The following RBMS3 variants were observed in gnomAD, a reference collection of about 807,000 sequenced individuals.
RBMS3 encodes RNA binding motif single stranded interacting protein 3, also known as RNA-binding motif, single-stranded-interacting protein 3.
In RBMS3, 27 loss-of-function variants were observed where a neutral mutation model predicts 66.8. The ratio of observed to expected loss-of-function variants is 0.40; its 90% CI spans 0.30 to 0.56. RBMS3 has a LOEUF of 0.56. Among genes scored for constraint, RBMS3 ranks in the 20% least tolerant of loss-of-function variants. RBMS3 has a pLI of 0.40. For missense variants in RBMS3, 513 were observed against 549.5 expected (o/e 0.93, Z 0.66); for synonymous variants, 188 against 183.0 (o/e 1.03, Z -0.22).
At chr3:29,538,198 T>C (rs1426991766) in intron 3 of RBMS3, among the ~76,000 whole-genome samples, 1 of 152,182 alleles carries the variant, frequency 6.6e-6, no homozygotes, top group Non-Finnish European at 1.5e-5. Context: ...AGGTAGAAGA[T>C]AATCAAATAC....
chr3:29,684,148 A>C (rs2051614042), intron 4 of RBMS3, among the ~76,000 whole-genome samples: 1 of 152,218 alleles, frequency 6.6e-6, no homozygotes, highest in Non-Finnish European at 1.5e-5. Context: ...CATTCAGGAG[A>C]TATAATTAAT....
At position 29,364,227 on chromosome 3, in the gene RBMS3, ATATGT is replaced by A. The variant is rs531267133; in HGVS notation, c.76-70512_76-70508del. Among the ~76,000 whole-genome samples the A allele has an allele frequency of 3.1e-3, 469 of 152,326 alleles. 2 individuals carry two copies. The highest frequency in any genetic ancestry group is 0.01 in the African/African-American group (420 of 41,570). On this transcript the variant is annotated intron_variant, in intron 1 of 14. Coordinates refer to ENST00000383767, the MANE Select transcript of RBMS3 (RefSeq NM_001003793.3). The stretch of plus-strand genomic sequence containing the variant: ...TCTGCAAAACAATGCATATAGAGTG[ATATGT>A]TATATAAAAATTGATTTGTGAGTAT...
chr3:29,344,368 C>A (rs2036452165), intron 1 of RBMS3, among the ~76,000 whole-genome samples: 1 of 152,178 alleles, frequency 6.6e-6, no homozygotes, highest in Non-Finnish European at 1.5e-5. Flanking sequence ...CAATGGCTTA[C>A]TTCCTGAAAA....
intron 4 of RBMS3, among the ~76,000 whole-genome samples, chr3:29,619,341 A>C (rs1409196310): frequency 1.3e-5 from 2 of 152,036 alleles, no homozygotes; most frequent in African/African-American, 2.4e-5. Context: ...ACAAAGAAAA[A>C]CTCCTTTAAA....
At chr3:29,872,918 C>T (rs193163386) in intron 7 of RBMS3, among the ~76,000 whole-genome samples, 18 of 152,238 alleles carry the variant, frequency 1.2e-4, no homozygotes, top group Non-Finnish European at 2.2e-4. Context: ...AACCTTGTTT[C>T]TGGGCTCTCT....
chr3:29,936,372 AT>A (rs1331753207), intron 11 of RBMS3, among the ~76,000 whole-genome samples, 176 bp downstream of exon 11: 3 of 152,148 alleles, frequency 2.0e-5, no homozygotes, highest in Non-Finnish European at 2.9e-5. Context: ...TCCAGGGCAC[AT>A]GTACTCACAG....
intron 1 of RBMS3, among the ~76,000 whole-genome samples, chr3:29,417,451 G>A (rs1403961773): frequency 3.3e-5 from 5 of 151,784 alleles, no homozygotes; most frequent in African/African-American, 1.2e-4. Flanking sequence ...GGTGTTCTCC[G>A]TTTTTACCTT....
At chr3:29,889,345 G>C (rs2059947020) in intron 8 of RBMS3, among the ~76,000 whole-genome samples, 1 of 151,600 alleles carries the variant, frequency 6.6e-6, no homozygotes, top group Non-Finnish European at 1.5e-5. Context: ...TTCATTTCAA[G>C]AACATCATTA....
chr3:29,647,274 C>T (rs943150222), intron 4 of RBMS3, among the ~76,000 whole-genome samples: 9 of 152,150 alleles, frequency 5.9e-5, no homozygotes, highest in East Asian at 1.9e-4. Context: ...CCACCGTGCA[C>T]GGCCTCTTTT....
intron 6 of RBMS3, among the ~76,000 whole-genome samples, chr3:29,814,578 C>G (rs963244667): frequency 2.4e-4 from 37 of 152,250 alleles, no homozygotes; most frequent in Middle Eastern, 3.4e-3. Context: ...CCTTGTACCT[C>G]TGGTAGAATT....
At chr3:29,659,840 T>C (rs963680290) in intron 4 of RBMS3, among the ~76,000 whole-genome samples, 1 of 152,172 alleles carries the variant, frequency 6.6e-6, no homozygotes, top group East Asian at 1.9e-4. Context: ...ACACTTTACA[T>C]TCTCACCAAC....
At chr3:29,821,602 A>G (rs1273528628) in intron 6 of RBMS3, among the ~76,000 whole-genome samples, 1 of 152,218 alleles carries the variant, frequency 6.6e-6, no homozygotes, top group East Asian at 1.9e-4. Context: ...ACTACCTGTG[A>G]GGAACTACAA....
At chr3:29,534,948 GA>G (rs71628527) in intron 3 of RBMS3, among the ~76,000 whole-genome samples, 23 of 145,662 alleles carry the variant, frequency 1.6e-4, no homozygotes, top group African/African-American at 3.5e-4. Context: ...ATTGAGAAAA[GA>G]AAAAAAAAAC....
chr3:29,993,980 C>T (rs536543748), intron 14 of RBMS3, among the ~76,000 whole-genome samples: 13 of 152,314 alleles, frequency 8.5e-5, no homozygotes, highest in South Asian at 4.1e-4. Flanking sequence ...GTGTGAGCGA[C>T]GCAGAAGATG....
At chr3:29,575,586 T>C (rs2149074516) in intron 3 of RBMS3, among the ~76,000 whole-genome samples, 1 of 152,276 alleles carries the variant, frequency 6.6e-6, no homozygotes, top group Admixed American at 6.5e-5. Context: ...TTGCATAAAC[T>C]TTCTACACAT....
At chr3:29,462,404 G>A (rs1424083520) in intron 2 of RBMS3, among the ~76,000 whole-genome samples, 3 of 152,058 alleles carry the variant, frequency 2.0e-5, no homozygotes, top group African/African-American at 7.2e-5. Flanking sequence ...ATCATATGTT[G>A]CCTCCTAATT....
At chr3:29,683,491 A>G (rs1259741974) in intron 4 of RBMS3, among the ~76,000 whole-genome samples, 1 of 152,144 alleles carries the variant, frequency 6.6e-6, no homozygotes, top group Non-Finnish European at 1.5e-5. Context: ...AAGAGAAAAA[A>G]CAACTTTAGG....
intron 2 of RBMS3, among the ~76,000 whole-genome samples, chr3:29,457,173 C>G (rs990990904): frequency 6.6e-6 from 1 of 152,170 alleles, no homozygotes; most frequent in Non-Finnish European, 1.5e-5. Flanking sequence ...TTCTTCTCCA[C>G]CTCCATAGTC....
chr3:29,755,564 G>T (rs2149372216), intron 5 of RBMS3, among the ~76,000 whole-genome samples: 1 of 152,290 alleles, frequency 6.6e-6, no homozygotes, highest in East Asian at 1.9e-4. Context: ...CCAGAGAGGA[G>T]CAACAGAGGG....
Sources: gnomAD v4.1 joint callset for allele counts (sites outside exome capture counted in the v4.1 genomes callset) on GRCh38, gnomAD v4.1.1 for gene constraint, MANE v1.5 for transcripts, NCBI Gene and HGNC (gene_info 2026-07-23, HGNC 2026-07-21) for gene names.